The following MAP3K20 variants were observed in gnomAD, a reference collection of about 807,000 sequenced individuals.
MAP3K20 encodes HCCS-4.
Under a neutral mutation model 85.7 loss-of-function variants are expected in MAP3K20, and 40 were observed. The ratio of observed to expected loss-of-function variants is 0.47; its 90% CI spans 0.36 to 0.61. The LOEUF is 0.61. Ranked by LOEUF, MAP3K20 falls within the 20% of genes least tolerant of loss-of-function variation. MAP3K20 has a pLI of 0.00. For synonymous variants in MAP3K20, 325 were observed against 327.7 expected, an observed-to-expected ratio of 0.99 and a Z score of 0.09; for missense variants, 817 against 961.7, an observed-to-expected ratio of 0.85 and a Z score of 1.99.
chr2:173,248,463 T>C (rs558391969), intron 16 of MAP3K20, among the ~76,000 whole-genome samples: 2 of 152,334 alleles, frequency 1.3e-5, no homozygotes, highest in African/African-American at 4.8e-5. Flanking sequence ...AAGAAGCAAA[T>C]GCAGTTCAGA....
chr2:173,216,230 A>G (rs1031809972), intron 10 of MAP3K20, among the ~76,000 whole-genome samples: 1 of 152,214 alleles, frequency 6.6e-6, no homozygotes, highest in Middle Eastern at 3.2e-3. Context: ...TACCAGTTCC[A>G]CTTTCTGTGA....
intron 2 of MAP3K20, among the ~76,000 whole-genome samples, chr2:173,099,409 T>G (rs1687566243): frequency 6.6e-6 from 1 of 150,898 alleles, no homozygotes; most frequent in South Asian, 2.1e-4. Context: ...AGCCTCGAAC[T>G]CCTGGGCTCA....
intron 2 of MAP3K20, among the ~76,000 whole-genome samples, chr2:173,150,153 G>T (rs1375577897): frequency 6.6e-6 from 1 of 152,186 alleles, no homozygotes; most frequent in Non-Finnish European, 1.5e-5. Context: ...AAGATGGTAC[G>T]CCAGATTCCA....
chr2:173,236,387 A>T (rs972181950), intron 14 of MAP3K20, among the ~76,000 whole-genome samples: 2 of 152,022 alleles, frequency 1.3e-5, no homozygotes, highest in Non-Finnish European at 2.9e-5. Flanking sequence ...AAAAGTAAAA[A>T]AAAAATTATT....
chr2:173,140,301 C>G (rs796959318), intron 2 of MAP3K20, among the ~76,000 whole-genome samples: 1 of 151,918 alleles, frequency 6.6e-6, no homozygotes, highest in African/African-American at 2.4e-5. Context: ...TGAGCCACCA[C>G]GCCCAGCCAC....
intron 16 of MAP3K20, among the ~76,000 whole-genome samples, chr2:173,246,869 A>G (rs991208871): frequency 6.6e-6 from 1 of 152,208 alleles, no homozygotes; most frequent in African/African-American, 2.4e-5. Flanking sequence ...CCGGCTACCT[A>G]TGAGTGGGTC....
At chr2:173,096,301 T>C (rs1316395357) in intron 2 of MAP3K20, among the ~76,000 whole-genome samples, 1 of 152,018 alleles carries the variant, frequency 6.6e-6, no homozygotes, top group East Asian at 1.9e-4. Flanking sequence ...TTTAAAAAAG[T>C]GTAGCTGTGG....
chr2:173,263,664 C>T, intron 18 of MAP3K20, 81 bp from the exon 19 acceptor site: 3 of 1,386,976 alleles, frequency 2.2e-6, no homozygotes, highest in Non-Finnish European at 2.9e-6. Context: ...ACTTTCTTTC[C>T]CATTTTATAT....
At chr2:173,225,790 C>G in intron 11 of MAP3K20, 1 of 985,050 alleles carries the variant, frequency 1.0e-6, no homozygotes. Flanking sequence ...GTGGCTTTAT[C>G]TTAAATCACC....
intron 2 of MAP3K20, among the ~76,000 whole-genome samples, chr2:173,110,934 G>A (rs1199723168): frequency 6.6e-6 from 1 of 152,088 alleles, no homozygotes; most frequent in Non-Finnish European, 1.5e-5. Context: ...CTTTTCCTTT[G>A]GGTAGATTCC....
Position 173,266,757 on chromosome 2 carries a change from G to A in MAP3K20, c.*7G>A. The A allele has an allele frequency of 4.5e-6, 6 of 1,320,134 alleles. No individual in the cohort carries two copies. The highest frequency in any genetic ancestry group is 3.5e-5 in the South Asian group (2 of 57,540). 81.8% of individuals were successfully genotyped at this position (1,320,134 alleles called of 1,614,324 possible). On this transcript the variant is annotated 3_prime_UTR_variant, in exon 20 of 20. Coordinates refer to ENST00000375213, the MANE Select transcript of MAP3K20 (RefSeq NM_016653.3). ...TGGATGGAGAAACTTTTGATGAATT[G>A]AACTACATAGCTTTTCTAAGCAGGT...
At chr2:173,194,707 T>C (rs1254909628) in intron 7 of MAP3K20, among the ~76,000 whole-genome samples, 2 of 152,016 alleles carry the variant, frequency 1.3e-5, no homozygotes, top group Non-Finnish European at 2.9e-5. Flanking sequence ...TTCTGTTCAT[T>C]GAAACCCCCT....
intron 2 of MAP3K20, among the ~76,000 whole-genome samples, chr2:173,111,293 A>C (rs1574023292): frequency 6.6e-6 from 1 of 151,452 alleles, no homozygotes; most frequent in Admixed American, 6.6e-5. Flanking sequence ...TTTCTTATTG[A>C]TGTGAGTTTG....
chr2:173,196,230 C>A (rs565109856), intron 7 of MAP3K20, among the ~76,000 whole-genome samples: 2 of 152,136 alleles, frequency 1.3e-5, no homozygotes, highest in African/African-American at 2.4e-5. Flanking sequence ...ACTTGCCCTT[C>A]GTATCTTTTC....
chr2:173,218,917 A>C (rs1018583302), intron 11 of MAP3K20, among the ~76,000 whole-genome samples: 7 of 152,136 alleles, frequency 4.6e-5, no homozygotes, highest in African/African-American at 1.7e-4. Flanking sequence ...TAACCCCACA[A>C]AACTTTCTGT....
intron 11 of MAP3K20, chr2:173,223,806 G>C: frequency 1.0e-6 from 1 of 985,408 alleles, no homozygotes; most frequent in Non-Finnish European, 1.2e-6. Context: ...CTCAGACATA[G>C]AGAAGTACTA....
At position 173,117,044 on chromosome 2, in the gene MAP3K20, G is replaced by A. The variant is rs80253781; in HGVS notation, c.159+25854G>A. 5.7e-3 allele frequency among the ~76,000 whole-genome samples: 875 copies of A among 152,316 alleles called. 7 individuals carry two copies. The highest frequency in any genetic ancestry group is 0.02 in the African/African-American group (817 of 41,560). ...AGGCAAGGCTTATTTGGAGGTATCAGTTCTAAAAGAGTTAGGAAAGAGAAT... is the reference window on the plus strand; with the variant it reads ...AGGCAAGGCTTATTTGGAGGTATCAATTCTAAAAGAGTTAGGAAAGAGAAT... On this transcript the variant is annotated intron_variant, in intron 2 of 19. Transcript: ENST00000375213.
Position 173,130,886 on chromosome 2 carries a change from A to T in MAP3K20, c.160-38919A>T, listed in dbSNP as rs79591367. ...ACTGCACCAGGATTCAGAATGTGAC[A>T]AGGTTTTAGGATCTATCAAAATTCT... On this transcript the variant is annotated intron_variant, in intron 2 of 19. Transcript: ENST00000375213. 7.2e-3 allele frequency among the ~76,000 whole-genome samples: 1,097 copies of T among 152,350 alleles called. 11 individuals carry two copies. The highest frequency in any genetic ancestry group is 0.031 in the Middle Eastern group (9 of 294).
At chr2:173,263,718 G>A (rs1421234543) in intron 18 of MAP3K20, 27 bp from the exon 19 acceptor site, 1 of 1,584,748 alleles carries the variant, frequency 6.3e-7, no homozygotes, top group Non-Finnish European at 8.5e-7. Flanking sequence ...TCTTTTTTTT[G>A]TCTTTTTCGT....
Sources: allele counts gnomAD v4.1 joint callset (sites outside exome capture counted in the v4.1 genomes callset), GRCh38; gene constraint gnomAD v4.1.1; transcripts MANE v1.5; gene names NCBI Gene and HGNC (gene_info 2026-07-23, HGNC 2026-07-21).